NDST1: variants seen among roughly 807,000 people sequenced by gnomAD.
NDST1 encodes the protein bifunctional heparan sulfate N-deacetylase/N-sulfotransferase 1.
In NDST1, 35 loss-of-function variants were observed where a neutral mutation model predicts 92.8. The observed-to-expected ratio is 0.38, with a 90% confidence interval of 0.29 to 0.50. The LOEUF is 0.50. NDST1 is among the 20% of genes least tolerant of loss of function. The probability of loss-of-function intolerance (pLI) is 0.94; values close to 1 mark genes in which losing one functional copy is unlikely to be tolerated. For missense variants in NDST1, 822 were observed against 1,182.7 expected (o/e 0.69, Z 4.47); for synonymous variants, 493 against 500.3 (o/e 0.99, Z 0.19).
intron 1 of NDST1, chr5:150,498,259 C>T (rs764813155): frequency 6.6e-6 from 1 of 152,322 alleles, no homozygotes; most frequent in Non-Finnish European, 1.5e-5. Context: ...TTTGTCTGTG[C>T]TTCCTCAGTA....
chr5:150,505,160 T>G (rs1420212697), upstream of NDST1, among the ~76,000 whole-genome samples: 1 of 152,174 alleles, frequency 6.6e-6, no homozygotes, highest in Admixed American at 6.5e-5. Context: ...GATGAGGGCA[T>G]TGTAACCACA....
At chr5:150,529,664 CAG>C (rs777435005) in intron 3 of NDST1, among the ~76,000 whole-genome samples, 40 of 152,286 alleles carry the variant, frequency 2.6e-4, no homozygotes, top group South Asian at 6.2e-4. Context: ...GAAAACAAAA[CAG>C]GGGGATTAAA....
At chr5:150,503,923 A>C (rs1753338866), upstream of NDST1, among the ~76,000 whole-genome samples, 1 of 152,132 alleles carries the variant, frequency 6.6e-6, no homozygotes, top group African/African-American at 2.4e-5. Context: ...AAGGGACTTA[A>C]TTTACGTGTA....
chr5:150,499,193 G>T (rs143227259), intron 1 of NDST1, among the ~76,000 whole-genome samples: 2 of 152,220 alleles, frequency 1.3e-5, no homozygotes, highest in Non-Finnish European at 2.9e-5. Context: ...ATTTTGTTTG[G>T]TCCATGCCAA....
chr5:150,548,877 T>C (rs1319755599), intron 12 of NDST1, among the ~76,000 whole-genome samples: 2 of 151,972 alleles, frequency 1.3e-5, no homozygotes, highest in African/African-American at 4.8e-5. Context: ...ACATGAGAAC[T>C]CCCCAAGCCT....
upstream of NDST1, among the ~76,000 whole-genome samples, chr5:150,507,407 C>T (rs943114371): frequency 1.3e-5 from 2 of 152,238 alleles, no homozygotes; most frequent in Non-Finnish European, 2.9e-5. Flanking sequence ...AAGAAGCAAG[C>T]CCTGGCCAGC....
rs1755309424 is a variant in NDST1, at chr5:150,542,897, C to A, written c.1896C>A (p.Ser632Arg). 6.2e-7 allele frequency: 1 copy of A among 1,614,054 alleles called. No individual in the cohort carries two copies. ...TGGGCATGCACCCTGACCTAAGCAG[C>A]AACTACCCCAGCTCTGAGACCTTTG... ...LFLGMHPDLSSNYPSSETFEE... is the reference protein window; with the variant it reads ...LFLGMHPDLSRNYPSSETFEE... The change falls in exon 10 of 15, where the codon AGC becomes AGA. Residue 632 changes from serine to arginine, a missense_variant. Physicochemically the swap from Ser to Arg is moderately radical, Grantham distance 110. Transcript: ENST00000261797.
intron 6 of NDST1, among the ~76,000 whole-genome samples, chr5:150,538,385 C>A (rs906616380): frequency 6.6e-6 from 1 of 152,172 alleles, no homozygotes; most frequent in Non-Finnish European, 1.5e-5. Context: ...GGAGCAGAGA[C>A]TGTAGGGGAC....
chr5:150,533,157 C>T, intron 4 of NDST1, 125 bp downstream of exon 4: 1 of 927,072 alleles, frequency 1.1e-6, no homozygotes, highest in Admixed American at 1.9e-5. Flanking sequence ...CAGAGGTGAC[C>T]CCTCTGCCCC....
chr5:150,549,821 T>G, intron 13 of NDST1, 34 bp downstream of exon 13: 1 of 1,398,098 alleles, frequency 7.2e-7, no homozygotes, highest in Non-Finnish European at 1.0e-6. Context: ...GCAGGTTATT[T>G]CCCTGATAAG....
rs754000766 is a variant in NDST1, at chr5:150,521,397, C to T, written c.143C>T (p.Ser48Leu). 1.7e-5 allele frequency: 28 copies of T among 1,613,140 alleles called. No individual in the cohort carries two copies. The highest frequency in any genetic ancestry group is 1.3e-4 in the South Asian group (12 of 91,090). The change falls in exon 2 of 15, where the codon TCG (serine) becomes TTG (leucine). Residue 48 changes from serine to leucine, a missense_variant. Ser to Leu is a moderately radical substitution (Grantham distance 145, BLOSUM62 -2). Transcript: ENST00000261797. The surrounding 1 kb of genome is among the most constrained non-coding windows in gnomAD (Gnocchi z 5.9). ...GGCTGGAAGCGAGGCCTGGAGCCCT[C>T]GGCGGATGCCCCCGAGCCTGACTGC... The part of the protein sequence containing the change: ...LYGWKRGLEP[S>L]ADAPEPDCGD...
At chr5:150,505,779 T>A (rs987692398), upstream of NDST1, among the ~76,000 whole-genome samples, 14 of 152,218 alleles carry the variant, frequency 9.2e-5, no homozygotes, top group African/African-American at 3.4e-4. Context: ...ACTCGTTTTT[T>A]AAAATTTTAT....
chr5:150,510,741 C>T (rs899347064), intron 1 of NDST1, among the ~76,000 whole-genome samples: 4 of 152,236 alleles, frequency 2.6e-5, no homozygotes, highest in African/African-American at 9.6e-5. Flanking sequence ...AACAGATTCA[C>T]AAGTTGAGAA....
At position 150,555,621 on chromosome 5, in the gene NDST1, G is replaced by T. The variant is rs1417996394; in HGVS notation, c.*2289G>T. 6.6e-6 allele frequency: 1 copy of T among 152,386 alleles called. No homozygotes were observed. The highest frequency in any genetic ancestry group is 1.5e-5 in the Non-Finnish European group (1 of 68,144). The allele number at this position is 152,386 out of a possible 1,614,324, so 9.4% of individuals were successfully genotyped here. On this transcript the variant is annotated 3_prime_UTR_variant, in exon 15 of 15. Transcript: ENST00000261797. ...AGCCAGGGGCTTATAGAGAGGGGCA[G>T]TGACTTCCAGAGTCCCATCCGTCAG...
At chr5:150,539,423 A>G in intron 7 of NDST1, 67 bp downstream of exon 7, 2 of 1,610,726 alleles carry the variant, frequency 1.2e-6, no homozygotes, top group East Asian at 4.5e-5. Context: ...TGCAGCTGAC[A>G]CAGGCTTCCT....
In NDST1 at chr5:150,527,952, C is replaced by T. The variant is rs1754546471; in HGVS notation, c.662C>T (p.Pro221Leu). The T allele has an allele frequency of 6.2e-7, 1 of 1,613,948 alleles. No homozygotes were observed. Among genetic ancestry groups the T allele is most frequent in the Non-Finnish European group, 8.5e-7 (1 of 1,179,974 alleles). The change falls in exon 3 of 15, where the codon CCC (proline) becomes CTC (leucine). Residue 221 changes from proline (P) to leucine (L), a missense_variant. Physicochemically the swap from Pro to Leu is moderately conservative, Grantham distance 98 (BLOSUM62 -3). Transcript: ENST00000261797. ...RPSEVEKGVLPGEDWTVFQSN... is the reference protein window; with the variant it reads ...RPSEVEKGVLLGEDWTVFQSN... ...AGCGAGGTGGAGAAAGGTGTGCTCC[C>T]CGGCGAGGACTGGACGGTTTTCCAG...
chr5:150,544,523 T>G (rs1561606571), intron 10 of NDST1, among the ~76,000 whole-genome samples: 1 of 152,170 alleles, frequency 6.6e-6, no homozygotes, highest in Non-Finnish European at 1.5e-5. Flanking sequence ...CCCAGAACGC[T>G]CTGATGAAGC....
chr5:150,543,797 T>G (rs79039624), intron 10 of NDST1, among the ~76,000 whole-genome samples: 6 of 151,774 alleles, frequency 4.0e-5, no homozygotes, highest in Admixed American at 2.0e-4. Context: ...TTTTTTTTTT[T>G]GAGATGGAAT....
chr5:150,521,743 C>T lies in NDST1; in HGVS notation c.489C>T (p.Gly163=), dbSNP rs774598852. Residue 163 remains glycine (G), a synonymous_variant, in exon 2 of 15, where the codon GGC becomes GGT. Transcript: ENST00000261797. This position sits in a 1 kb window ranked among gnomAD's most constrained non-coding sequence, Gnocchi z 5.9. ...ELLDKYCVAY[G]VGIIGFFKAN... The stretch of plus-strand genomic sequence containing the variant: ...TGGACAAGTACTGTGTGGCCTACGG[C>T]GTGGGCATCATTGGCTTCTTCAAGG... The T allele has an allele frequency of 9.3e-6, 15 of 1,613,686 alleles. No individual in the cohort carries two copies. Among genetic ancestry groups the T allele is most frequent in the African/African-American group, 2.7e-5 (2 of 74,916 alleles).
Sources: allele counts gnomAD v4.1 joint callset (sites outside exome capture counted in the v4.1 genomes callset), GRCh38; gene constraint gnomAD v4.1.1; non-coding constraint Gnocchi (gnomAD v3.1); transcripts MANE v1.5; gene names NCBI Gene and HGNC (gene_info 2026-07-23, HGNC 2026-07-21).